Variants in TNIK observed in about 807,000 individuals in gnomAD.
The protein encoded by TNIK is TRAF2 and NCK-interacting protein kinase.
A neutral mutation model predicts 191.3 loss-of-function variants in TNIK; 49 were observed. The ratio of observed to expected loss-of-function variants is 0.26; its 90% CI spans 0.20 to 0.32. The LOEUF (loss-of-function observed/expected upper bound fraction) is 0.32. Among genes scored for constraint, TNIK ranks in the 10% least tolerant of loss-of-function variants. The pLI is 1.00. For missense variants in TNIK, 1,155 were observed against 1,702.3 expected, an observed-to-expected ratio of 0.68 and a Z score of 5.66; for synonymous variants, 594 against 600.9, an observed-to-expected ratio of 0.99 and a Z score of 0.17.
At chr3:171,118,853 C>A (rs1727197836) in intron 18 of TNIK, among the ~76,000 whole-genome samples, 1 of 152,194 alleles carries the variant, frequency 6.6e-6, no homozygotes, top group African/African-American at 2.4e-5. Context: ...AAAACCTAGG[C>A]AATACCATTC....
At chr3:171,216,822 G>A (rs958195783) in intron 3 of TNIK, among the ~76,000 whole-genome samples, 1 of 151,978 alleles carries the variant, frequency 6.6e-6, no homozygotes, top group South Asian at 2.1e-4. Context: ...ACAATAGATT[G>A]TAATAAATAA....
chr3:171,446,854 C>G (rs189421405), intron 1 of TNIK, among the ~76,000 whole-genome samples: 103 of 152,290 alleles, frequency 6.8e-4, no homozygotes, highest in African/African-American at 2.3e-3. Flanking sequence ...CACACATCCT[C>G]CAAACACACT....
intron 2 of TNIK, among the ~76,000 whole-genome samples, chr3:171,270,380 T>G (rs1313341993): frequency 6.6e-6 from 1 of 152,178 alleles, no homozygotes; most frequent in Non-Finnish European, 1.5e-5. Flanking sequence ...GCTACTTCCC[T>G]GTTCATACAG....
At chr3:171,262,822 T>C (rs1236171537) in intron 2 of TNIK, among the ~76,000 whole-genome samples, 1 of 152,204 alleles carries the variant, frequency 6.6e-6, no homozygotes, top group Admixed American at 6.5e-5. Flanking sequence ...TCCTGGTCTA[T>C]CCTGATAATC....
intron 1 of TNIK, among the ~76,000 whole-genome samples, chr3:171,378,477 A>G (rs1717568297): frequency 6.6e-6 from 1 of 152,222 alleles, no homozygotes; most frequent in Admixed American, 6.5e-5. Context: ...AACATCTAGC[A>G]TATTGTAAGT....
At chr3:171,442,153 T>C (rs951536541) in intron 1 of TNIK, among the ~76,000 whole-genome samples, 1 of 152,220 alleles carries the variant, frequency 6.6e-6, no homozygotes, top group Non-Finnish European at 1.5e-5. Context: ...ATCCTGATTG[T>C]GAATCCTGCA....
At chr3:171,125,855 G>A in intron 17 of TNIK, 57 bp downstream of exon 17, 3 of 1,590,454 alleles carry the variant, frequency 1.9e-6, no homozygotes, top group Non-Finnish European at 2.6e-6. Context: ...TGGAATAGTG[G>A]TAATAAAAAT....
rs770114109 is a variant in TNIK, at chr3:171,093,855, G to C, written c.2705C>G (p.Thr902Ser). ...SFSGSISREG[T>S]LMIRETSGEK... ...CCAACTTACCTCTCTAATCATCAAGGTTCCTTCTCTTGAAATACTGCCGCT... is the reference window on the plus strand; with the variant it reads ...CCAACTTACCTCTCTAATCATCAAGCTTCCTTCTCTTGAAATACTGCCGCT... The change falls in exon 23 of 33, where the codon ACC (threonine) becomes AGC (serine). Residue 902 changes from threonine to serine, a missense_variant. Physicochemically the swap from Thr to Ser is moderately conservative, Grantham distance 58. Coordinates refer to ENST00000436636, the MANE Select transcript of TNIK (RefSeq NM_015028.4). The C allele has an allele frequency of 1.9e-6, 3 of 1,613,600 alleles. No individual in the cohort carries two copies. The South Asian group carries it at 3.3e-5, about 18-fold the overall frequency.
At chr3:171,160,351 C>T (rs879578754) in intron 11 of TNIK, among the ~76,000 whole-genome samples, 1 of 152,122 alleles carries the variant, frequency 6.6e-6, no homozygotes, top group African/African-American at 2.4e-5. Flanking sequence ...CTGGCTCATT[C>T]TAGCAGTGGT....
At chr3:171,089,047 A>T (rs940256471) in intron 23 of TNIK, among the ~76,000 whole-genome samples, 1 of 152,156 alleles carries the variant, frequency 6.6e-6, no homozygotes, top group Admixed American at 6.6e-5. Context: ...AAGTGAAAGG[A>T]GGCACTTCTT....
intron 1 of TNIK, among the ~76,000 whole-genome samples, chr3:171,386,481 A>T: frequency 6.6e-6 from 1 of 152,202 alleles, no homozygotes; most frequent in East Asian, 1.9e-4. Flanking sequence ...TTTCTCAGTC[A>T]GTCCACCAGA....
At position 171,365,161 on chromosome 3, in the gene TNIK, C is replaced by CTTTTTTTT. The variant is rs60887361; in HGVS notation, c.123+4451_123+4458dup. Among the ~76,000 whole-genome samples the CTTTTTTTT allele has an allele frequency of 6.7e-3, 214 of 31,934 alleles. 65 individuals carry two copies. The highest frequency in any genetic ancestry group is 0.011 in the Non-Finnish European group (169 of 15,444). The allele number at this position is 31,934 out of a possible 152,430, so 20.9% of individuals were successfully genotyped here. ...AAGGACTACACAAAAGGACTACATT[C>CTTTTTTTT]TTTTTTTTTTTTTTTTTTTTTTTTT... On this transcript the variant is annotated intron_variant, in intron 2 of 32. Transcript: ENST00000436636.
At chr3:171,244,932 G>T (rs1412773301) in intron 2 of TNIK, among the ~76,000 whole-genome samples, 1 of 151,928 alleles carries the variant, frequency 6.6e-6, no homozygotes, top group Non-Finnish European at 1.5e-5. Flanking sequence ...TTATGAAAAA[G>T]GAGCAATGAA....
intron 3 of TNIK, among the ~76,000 whole-genome samples, chr3:171,221,123 C>G (rs978857237): frequency 6.6e-6 from 1 of 152,114 alleles, no homozygotes; most frequent in African/African-American, 2.4e-5. Flanking sequence ...AATTGAAGCA[C>G]TGAAAATAGC....
intron 2 of TNIK, among the ~76,000 whole-genome samples, chr3:171,277,116 T>C (rs1749841819): frequency 6.6e-6 from 1 of 152,206 alleles, no homozygotes; most frequent in Admixed American, 6.5e-5. Flanking sequence ...CGTGGCCCCC[T>C]TCCCTTCTCT....
At chr3:171,304,355 A>C (rs1753189626) in intron 2 of TNIK, among the ~76,000 whole-genome samples, 5 of 152,084 alleles carry the variant, frequency 3.3e-5, no homozygotes, top group Admixed American at 2.0e-4. Flanking sequence ...AAAAGTCAGG[A>C]AACAACAGGT....
chr3:171,241,492 T>C (rs1744987674), intron 2 of TNIK, among the ~76,000 whole-genome samples: 1 of 152,212 alleles, frequency 6.6e-6, no homozygotes, highest in Non-Finnish European at 1.5e-5. Flanking sequence ...ATATTGTCTC[T>C]CTCTTTTAAA....
At chr3:171,338,290 G>GTA (rs1757170828) in intron 2 of TNIK, among the ~76,000 whole-genome samples, 1 of 152,110 alleles carries the variant, frequency 6.6e-6, no homozygotes, top group South Asian at 2.1e-4. Flanking sequence ...AGGGGTGTGT[G>GTA]TATATATGAA....
intron 3 of TNIK, among the ~76,000 whole-genome samples, chr3:171,217,812 G>A (rs979971295): frequency 6.6e-6 from 1 of 152,094 alleles, no homozygotes; most frequent in African/African-American, 2.4e-5. Context: ...GAGTTTTTAA[G>A]GCTAGGTGAA....
Sources: allele counts gnomAD v4.1 joint callset (sites outside exome capture counted in the v4.1 genomes callset), GRCh38; gene constraint gnomAD v4.1.1; transcripts MANE v1.5; gene names NCBI Gene and HGNC (gene_info 2026-07-23, HGNC 2026-07-21).